The following DYTN variants were observed in gnomAD, a reference collection of about 807,000 sequenced individuals.
DYTN encodes the protein dystrotelin.
In DYTN, 75 loss-of-function variants were observed where a neutral mutation model predicts 69.6. The ratio of observed to expected loss-of-function variants is 1.08; its 90% confidence interval spans 0.89 to 1.31. The LOEUF (loss-of-function observed/expected upper bound fraction) is 1.31, where lower values mean the gene tolerates loss of function less well. Ranked by LOEUF, DYTN falls within the 50% of genes most tolerant of loss-of-function variation. The probability of loss-of-function intolerance (pLI) is 0.00; values close to 1 mark genes in which losing one functional copy is unlikely to be tolerated. For synonymous variants in DYTN, 252 were observed against 249.1 expected (o/e 1.01, Z -0.11); for missense variants, 726 against 688.4 (o/e 1.05, Z -0.61).
In DYTN at chr2:206,659,709, G is replaced by A. The variant is rs115718978; in HGVS notation, c.1633+3194C>T. Among the ~76,000 whole-genome samples, 954 of 152,088 alleles carry A rather than the reference G, an allele frequency of 6.3e-3. 11 individuals are homozygous for A. Among genetic ancestry groups the A allele is most frequent in the African/African-American group, 0.021 (869 of 41,474 alleles). On this transcript the variant is annotated intron_variant, in intron 11 of 11. Coordinates refer to ENST00000452335, the MANE Select transcript of DYTN (RefSeq NM_001093730.1). The stretch of plus-strand genomic sequence containing the variant: ...ATAGATTATGTTTAAATTATAAAGC[G>A]TATTTTAGTAATCCAAATTGCCAAT...
chr2:206,680,654 A>C (rs1389186530), intron 9 of DYTN, among the ~76,000 whole-genome samples: 1 of 152,112 alleles, frequency 6.6e-6, no homozygotes, highest in South Asian at 2.1e-4. Flanking sequence ...ACGAAGGGGC[A>C]CTTAGGTTGT....
At chr2:206,697,865 T>A (rs1280534653) in intron 7 of DYTN, among the ~76,000 whole-genome samples, 1 of 152,224 alleles carries the variant, frequency 6.6e-6, no homozygotes, top group Non-Finnish European at 1.5e-5. Context: ...TTTGCCATTT[T>A]TAGGGGCGAC....
intron 2 of DYTN, among the ~76,000 whole-genome samples, chr2:206,709,478 CACAT>C (rs1252189385): frequency 2.0e-5 from 3 of 151,954 alleles, no homozygotes; most frequent in Non-Finnish European, 4.4e-5. Context: ...CACACACACA[CACAT>C]ACAAGCAAAC....
intron 11 of DYTN, among the ~76,000 whole-genome samples, chr2:206,659,056 AT>A (rs1392350728): frequency 6.6e-6 from 1 of 151,320 alleles, no homozygotes; most frequent in East Asian, 1.9e-4. Context: ...TTTTACTGCA[AT>A]TTTTATGCAA....
intron 2 of DYTN, 70 bp from the exon 3 acceptor site, chr2:206,707,573 G>A: frequency 6.9e-7 from 1 of 1,442,148 alleles, no homozygotes; most frequent in South Asian, 1.3e-5. Context: ...TAAAGCAAAT[G>A]TCATTTGGTG....
At chr2:206,702,389 C>T (rs776688007) in intron 5 of DYTN, among the ~76,000 whole-genome samples, 2 of 152,234 alleles carry the variant, frequency 1.3e-5, no homozygotes, top group African/African-American at 4.8e-5. Context: ...CTCGAATAAA[C>T]GTTCTTCTAA....
rs980712993 is a variant in DYTN, at chr2:206,700,555, A to T, written c.484-339T>A. ...GCCTTTGTTCACCTATGAAATGAAG[A>T]TCACAATAATACTGTCTTAAAGTTT... On this transcript the variant is annotated intron_variant, in intron 5 of 11. Transcript: ENST00000452335. 2.6e-5 allele frequency among the ~76,000 whole-genome samples: 4 copies of T among 152,010 alleles called. No individual in the cohort carries two copies. In the East Asian group the frequency reaches 5.8e-4, roughly 22 times the overall value.
chr2:206,661,108 C>A lies in DYTN; in HGVS notation c.1633+1795G>T, dbSNP rs549686395. ...ACATAGACATACATAGAAGGAAGGC[C>A]ATATAAAGGCATGAGGGAAGACAGC... On this transcript the variant is annotated intron_variant, in intron 11 of 11. Transcript: ENST00000452335. Among the ~76,000 whole-genome samples the A allele has an allele frequency of 1.2e-3, 190 of 152,142 alleles. 1 individual carries two copies. The highest frequency in any genetic ancestry group is 1.2e-3 in the Non-Finnish European group (79 of 68,004).
At chr2:206,716,543 A>T (rs1700132342) in intron 1 of DYTN, among the ~76,000 whole-genome samples, 1 of 152,144 alleles carries the variant, frequency 6.6e-6, no homozygotes, top group African/African-American at 2.4e-5. Context: ...AATTTGCTCT[A>T]AATCTTTTGT....
In DYTN at chr2:206,712,093, T is replaced by C. The variant is rs150284145; in HGVS notation, c.20-1495A>G. On this transcript the variant is annotated intron_variant, in intron 1 of 11. Coordinates refer to ENST00000452335, the MANE Select transcript of DYTN (RefSeq NM_001093730.1). ...ATGGCCTGTTCTAACTGCTTATTGT[T>C]GGTATAAACCAGTAGACCTTAAAGT... 3.3e-5 allele frequency among the ~76,000 whole-genome samples: 5 copies of C among 152,334 alleles called. No individual in the cohort carries two copies. The East Asian group carries it at 5.8e-4, about 18-fold the overall frequency.
intron 11 of DYTN, among the ~76,000 whole-genome samples, chr2:206,656,504 C>T (rs752431773): frequency 6.6e-6 from 1 of 152,056 alleles, no homozygotes; most frequent in Non-Finnish European, 1.5e-5. Flanking sequence ...TAGGGGAGGA[C>T]AATTTTGCCA....
chr2:206,699,759 A>G lies in DYTN; in HGVS notation c.687T>C (p.Thr229=). 1.2e-6 allele frequency: 2 copies of G among 1,613,772 alleles called. No homozygotes were observed. The highest frequency in any genetic ancestry group is 2.2e-5 in the South Asian group (2 of 91,070). ...CCGTGATTGGGAAAGTCCTGCAGAG[A>G]GTGCACCGAGCAGGGTGAGTGACCC... ...AERVTHPARC[T]LCRTFPITGL... Residue 229 remains threonine (T), a synonymous_variant, in exon 7 of 12, where the codon ACT becomes ACC. Transcript: ENST00000452335.
At chr2:206,717,734 C>G (rs16824785) in intron 1 of DYTN, among the ~76,000 whole-genome samples, 1 of 151,846 alleles carries the variant, frequency 6.6e-6, no homozygotes, top group Non-Finnish European at 1.5e-5. Context: ...AGGCTCCAAA[C>G]AGATCTAGCA....
At chr2:206,654,291 C>T (rs1322236278) in intron 11 of DYTN, among the ~76,000 whole-genome samples, 2 of 152,128 alleles carry the variant, frequency 1.3e-5, no homozygotes, top group East Asian at 1.9e-4. Flanking sequence ...TCTGCCATAC[C>T]TGAGAAAGCA....
chr2:206,651,890 G>C lies in DYTN; in HGVS notation c.1665C>G (p.Tyr555Ter), dbSNP rs1199673688. Residue 555 changes from tyrosine (Y) to a stop codon, truncating the protein, a stop_gained, in exon 12 of 12, where the codon TAC becomes TAG. Coordinates refer to ENST00000452335, the MANE Select transcript of DYTN (RefSeq NM_001093730.1). LOFTEE classifies it high-confidence loss of function. ...GPESSVNMDL[Y>*]SGAQRVCRAF... is the part of the protein sequence containing the mutation. ...CCCTGCACACTCGCTGAGCTCCACT[G>C]TACAGGTCCATGTTTACTGAAGACT... The C allele has an allele frequency of 1.9e-6, 3 of 1,613,342 alleles. No homozygotes were observed. The highest frequency in any genetic ancestry group is 1.7e-5 in the Admixed American group (1 of 59,942).
rs2115591 is a variant in DYTN at position 206,663,116 on chromosome 2, G to C, written c.1420C>G (p.Gln474Glu). The C allele has an allele frequency of 2.6e-5, 42 of 1,613,588 alleles. 3 individuals carry two copies. In the African/African-American group the frequency reaches 2.8e-4, roughly 11 times the overall value. ...RAQSQTQKMP[Q>E]KVISALPSYQ... ...CTGGGTAGGGCACTAATGACTTTCT[G>C]TGGCATCTTTTGTGTTTGGCTTTGT... The change falls in exon 11 of 12, where the codon CAG (glutamine) becomes GAG (glutamate). Residue 474 changes from glutamine to glutamate, a missense_variant. Coordinates refer to ENST00000452335, the MANE Select transcript of DYTN (RefSeq NM_001093730.1).
At chr2:206,717,037 G>A (rs1374427852) in intron 1 of DYTN, among the ~76,000 whole-genome samples, 4 of 80,180 alleles carry the variant, frequency 5.0e-5, no homozygotes, top group Middle Eastern at 5.8e-3. Flanking sequence ...TTTTTCTGCC[G>A]ATGCAAACAC....
At chr2:206,682,803 T>C (rs928357717) in intron 9 of DYTN, among the ~76,000 whole-genome samples, 1 of 152,058 alleles carries the variant, frequency 6.6e-6, no homozygotes, top group Non-Finnish European at 1.5e-5. Context: ...CCACAAACCT[T>C]CTCTACCTGT....
intron 9 of DYTN, among the ~76,000 whole-genome samples, chr2:206,669,798 TA>T (rs1699611073): frequency 6.6e-6 from 1 of 152,230 alleles, no homozygotes; most frequent in African/African-American, 2.4e-5. Flanking sequence ...TTTGATACTT[TA>T]AAAGTGTTTA....
Sources: allele counts gnomAD v4.1 joint callset (sites outside exome capture counted in the v4.1 genomes callset), GRCh38; gene constraint gnomAD v4.1.1; transcripts MANE v1.5; gene names NCBI Gene and HGNC (gene_info 2026-07-23, HGNC 2026-07-21).